ZBTB20: variants seen among roughly 807,000 people sequenced by gnomAD.
ZBTB20 encodes zinc finger and BTB domain containing 20.
ZBTB20 carries 9 observed loss-of-function variants against 56.9 expected under a neutral mutation model. The ratio of observed to expected loss-of-function variants is 0.16; its 90% CI spans 0.10 to 0.28. ZBTB20 has a LOEUF of 0.28. Among genes scored for constraint, ZBTB20 ranks in the 10% least tolerant of loss-of-function variants. ZBTB20 has a pLI of 1.00. For missense variants in ZBTB20, 655 were observed against 1,003.0 expected (o/e 0.65, Z 4.69); for synonymous variants, 417 against 420.7 (o/e 0.99, Z 0.11).
intron 10 of ZBTB20, among the ~76,000 whole-genome samples, chr3:114,377,294 G>A (rs1288607479): frequency 6.6e-6 from 1 of 152,198 alleles, no homozygotes; most frequent in Non-Finnish European, 1.5e-5. Flanking sequence ...AGGAAATTGT[G>A]TTAGTAGGCG....
chr3:114,611,497 C>A (rs935657846), intron 6 of ZBTB20, among the ~76,000 whole-genome samples: 3 of 152,146 alleles, frequency 2.0e-5, no homozygotes, highest in African/African-American at 7.2e-5. Context: ...CTTCAGTGAG[C>A]CTGAGGGCTC....
At chr3:115,073,565 A>G (rs970504446) in intron 1 of ZBTB20, among the ~76,000 whole-genome samples, 5 of 152,162 alleles carry the variant, frequency 3.3e-5, no homozygotes, top group Non-Finnish European at 7.4e-5. Flanking sequence ...ACCCTAGGTC[A>G]TGCTACAAGT....
At chr3:115,089,467 T>C (rs1267600437) in intron 1 of ZBTB20, among the ~76,000 whole-genome samples, 1 of 151,840 alleles carries the variant, frequency 6.6e-6, no homozygotes, top group Non-Finnish European at 1.5e-5. Context: ...AAAAACCATT[T>C]TGCAATAGAA....
chr3:114,483,012 C>T (rs1209549130), intron 7 of ZBTB20, among the ~76,000 whole-genome samples: 1 of 152,130 alleles, frequency 6.6e-6, no homozygotes, highest in African/African-American at 2.4e-5. Flanking sequence ...TATAGCAGTA[C>T]TGGTCAGATA....
At chr3:114,885,170 G>C (rs586320) in intron 4 of ZBTB20, among the ~76,000 whole-genome samples, 1 of 151,876 alleles carries the variant, frequency 6.6e-6, no homozygotes, top group Admixed American at 6.6e-5. Context: ...CCTCCCAACT[G>C]TACATTGTTA....
rs2074952346 is a variant in ZBTB20, at chr3:114,897,916, C to T, written c.-417+2388G>A. 3.3e-5 allele frequency among the ~76,000 whole-genome samples: 5 copies of T among 152,062 alleles called. No individual in the cohort carries two copies. In the South Asian group the frequency reaches 8.3e-4, roughly 25 times the overall value. ...CCAATCTTATGTGACGGGCTTATGC[C>T]ACACAAAACGGAACATTAGAATGAT... On this transcript the variant is annotated intron_variant, in intron 4 of 11. Transcript: ENST00000675478.
intron 6 of ZBTB20, chr3:114,623,992 G>A (rs2107785038): frequency 6.6e-6 from 1 of 152,302 alleles, no homozygotes; most frequent in South Asian, 2.1e-4. Context: ...TGACTGTTTG[G>A]TAGTATTTCT....
intron 5 of ZBTB20, among the ~76,000 whole-genome samples, chr3:114,712,121 T>C (rs1455890791): frequency 6.6e-6 from 1 of 152,184 alleles, no homozygotes; most frequent in Non-Finnish European, 1.5e-5. Context: ...TGTTAGGTGA[T>C]GAAAATCATG....
intron 4 of ZBTB20, among the ~76,000 whole-genome samples, chr3:114,807,909 T>A (rs2072237765): frequency 6.6e-6 from 1 of 152,092 alleles, no homozygotes; most frequent in African/African-American, 2.4e-5. Context: ...TTTTGTTGAG[T>A]TTTGGTGTCT....
intron 6 of ZBTB20, among the ~76,000 whole-genome samples, chr3:114,588,105 C>A (rs2055367955): frequency 6.6e-6 from 1 of 152,108 alleles, no homozygotes; most frequent in Admixed American, 6.5e-5. Flanking sequence ...ATATTACTTC[C>A]AGGGGGCCTT....
At chr3:114,679,121 C>T (rs1442843373) in intron 6 of ZBTB20, among the ~76,000 whole-genome samples, 1 of 152,052 alleles carries the variant, frequency 6.6e-6, no homozygotes, top group Non-Finnish European at 1.5e-5. Flanking sequence ...ACACCTTATA[C>T]AAAAATTAAT....
In ZBTB20 at chr3:115,105,786, A is replaced by C. The variant is rs571214617; in HGVS notation, c.-702-34372T>G. Among the ~76,000 whole-genome samples, 70 of 152,222 alleles carry C rather than the reference A, an allele frequency of 4.6e-4. 1 individual carries two copies. The highest frequency in any genetic ancestry group is 1.6e-3 in the African/African-American group (67 of 41,536). On this transcript the variant is annotated intron_variant, in intron 1 of 11. Coordinates refer to ENST00000675478, the MANE Select transcript of ZBTB20 (RefSeq NM_001348800.3). ...CTGAGAAAGGAATTAAAAAAGCAAG[A>C]ATTCAATTGTAAAGGATTTGTGTAT...
chr3:114,789,002 A>G (rs1422478788), intron 5 of ZBTB20, among the ~76,000 whole-genome samples: 2 of 152,144 alleles, frequency 1.3e-5, no homozygotes, highest in Admixed American at 6.6e-5. Context: ...AGTACCTCCC[A>G]CTGGGTGCCT....
At chr3:115,094,028 C>G (rs1169190000) in intron 1 of ZBTB20, among the ~76,000 whole-genome samples, 1 of 151,946 alleles carries the variant, frequency 6.6e-6, no homozygotes, top group African/African-American at 2.4e-5. Context: ...TCAGCTTTAC[C>G]CCTGTACCCT....
intron 11 of ZBTB20, 44 bp downstream of exon 11, chr3:114,350,230 C>T: frequency 1.3e-6 from 2 of 1,553,594 alleles, no homozygotes; most frequent in Non-Finnish European, 1.7e-6. Flanking sequence ...TCCCACAGCC[C>T]CCTCAGCCCC....
intron 6 of ZBTB20, among the ~76,000 whole-genome samples, chr3:114,642,842 C>T (rs1190404846): frequency 1.3e-5 from 2 of 152,012 alleles, no homozygotes; most frequent in African/African-American, 4.8e-5. Context: ...TTTACTGTCT[C>T]CCTAGTCATT....
chr3:114,846,822 C>T (rs1423549753), intron 4 of ZBTB20, among the ~76,000 whole-genome samples: 1 of 152,064 alleles, frequency 6.6e-6, no homozygotes, highest in African/African-American at 2.4e-5. Flanking sequence ...GAAGATGGGG[C>T]CTTGCATTTC....
At chr3:114,932,782 G>A (rs1317900423) in intron 3 of ZBTB20, among the ~76,000 whole-genome samples, 2 of 151,928 alleles carry the variant, frequency 1.3e-5, no homozygotes, top group African/African-American at 4.9e-5. Flanking sequence ...ACCATCAATA[G>A]TTCCTCAAAG....
chr3:115,131,013 G>T (rs924174404), intron 1 of ZBTB20, among the ~76,000 whole-genome samples: 2 of 152,054 alleles, frequency 1.3e-5, no homozygotes, highest in African/African-American at 4.8e-5. Flanking sequence ...CAGCTGCCTC[G>T]GCCTCCCAAA....
Sources: gnomAD v4.1 joint callset for allele counts (sites outside exome capture counted in the v4.1 genomes callset) on GRCh38, gnomAD v4.1.1 for gene constraint, MANE v1.5 for transcripts, NCBI Gene and HGNC (gene_info 2026-07-23, HGNC 2026-07-21) for gene names.